Variants in RFX1 observed in about 807,000 individuals in gnomAD.
RFX1 encodes regulatory factor X1.
A neutral mutation model predicts 119.6 loss-of-function variants in RFX1; 42 were observed. The ratio of observed to expected loss-of-function variants is 0.35; its 90% CI spans 0.27 to 0.45. The LOEUF (loss-of-function observed/expected upper bound fraction) is 0.45. RFX1 is among the 20% of genes least tolerant of loss of function. The probability of loss-of-function intolerance (pLI) is 1.00; values close to 1 mark genes in which losing one functional copy is unlikely to be tolerated. For missense variants in RFX1, 1,118 were observed against 1,368.1 expected (o/e 0.82, Z 2.88); for synonymous variants, 628 against 618.5 (o/e 1.02, Z -0.23).
intron 2 of RFX1, 98 bp from the exon 3 acceptor site, chr19:13,983,693 C>A (rs1974510741): frequency 2.0e-6 from 2 of 1,024,180 alleles, no homozygotes; most frequent in Non-Finnish European, 2.9e-6. Flanking sequence ...TGAAGCCAAC[C>A]CCCAGCAAGG....
chr19:13,981,839 G>A (rs1418893850), intron 5 of RFX1, among the ~76,000 whole-genome samples: 1 of 152,240 alleles, frequency 6.6e-6, no homozygotes, highest in Non-Finnish European at 1.5e-5. Context: ...TCCCTGAGCT[G>A]GAGCTGCCAG....
At chr19:13,989,579 C>G (rs975937970) in intron 2 of RFX1, among the ~76,000 whole-genome samples, 3 of 151,624 alleles carry the variant, frequency 2.0e-5, no homozygotes, top group African/African-American at 2.4e-5. Context: ...GACAGACAGA[C>G]AGAGAGAAAG....
intron 2 of RFX1, among the ~76,000 whole-genome samples, chr19:13,991,643 C>A (rs576919331): frequency 3.9e-5 from 6 of 152,128 alleles, no homozygotes; most frequent in Non-Finnish European, 8.8e-5. Context: ...TGTTCCACAA[C>A]GGGGCCAATT....
At chr19:13,977,926 C>A in intron 8 of RFX1, 66 bp downstream of exon 8, 1 of 1,266,522 alleles carries the variant, frequency 7.9e-7, no homozygotes, top group Non-Finnish European at 1.1e-6. Context: ...GGACTGGTGT[C>A]CTGGGAGACT....
At chr19:14,003,297 T>C (rs546168016) in intron 1 of RFX1, among the ~76,000 whole-genome samples, 16 of 149,350 alleles carry the variant, frequency 1.1e-4, no homozygotes, top group Non-Finnish European at 2.1e-4. Context: ...CCGGCCAGGA[T>C]TTTTCTTTCT....
chr19:13,972,667 C>T (rs1192472911), intron 9 of RFX1, 76 bp downstream of exon 9: 3 of 1,191,204 alleles, frequency 2.5e-6, no homozygotes, highest in Admixed American at 2.3e-5. Context: ...TTGGTAACCA[C>T]CGTCATGGAC....
chr19:13,974,065 C>T (rs1797544929), intron 8 of RFX1, among the ~76,000 whole-genome samples: 1 of 152,052 alleles, frequency 6.6e-6, no homozygotes, highest in Non-Finnish European at 1.5e-5. Flanking sequence ...CTGTTTCACA[C>T]ACTTTGGACA....
In RFX1 at chr19:13,970,130, G is replaced by C. The variant is rs1423419677; in HGVS notation, c.1360C>G (p.Leu454Val). Residue 454 changes from leucine (L) to valine (V), a missense_variant, in exon 10 of 21, where the codon CTG (leucine) becomes GTG (valine). Physicochemically the swap from Leu to Val is conservative, Grantham distance 32 (BLOSUM62 1). Transcript: ENST00000254325. ...DNYETAEGVSLPRSTLYCHYL... is the reference protein window; with the variant it reads ...DNYETAEGVSVPRSTLYCHYL... ...TGGCAGTAGAGGGTGCTCCGTGGCA[G>C]ACTCACGCCCTCAGCCGTCTCATAG... 1.9e-6 allele frequency: 3 copies of C among 1,613,666 alleles called. No homozygotes were observed. Among genetic ancestry groups the C allele is most frequent in the Non-Finnish European group, 2.5e-6 (3 of 1,179,908 alleles).
chr19:14,006,348 C>G (rs1047004311), upstream of RFX1: 1 of 152,154 alleles, frequency 6.6e-6, no homozygotes, highest in Admixed American at 6.5e-5. Context: ...TTACGTCACG[C>G]GCGGGGGCGG....
chr19:13,979,579 A>G, intron 6 of RFX1, 37 bp from the exon 7 acceptor site: 1 of 1,486,446 alleles, frequency 6.7e-7, no homozygotes, highest in Non-Finnish European at 9.2e-7. Context: ...TGACCATGGC[A>G]ACGATGGCCG....
intron 9 of RFX1, among the ~76,000 whole-genome samples, chr19:13,972,061 T>G (rs573051501): frequency 6.6e-6 from 1 of 151,442 alleles, no homozygotes; most frequent in Admixed American, 6.6e-5. Flanking sequence ...CCCAGCTACT[T>G]GCAAGGGTAA....
intron 1 of RFX1, among the ~76,000 whole-genome samples, chr19:13,996,284 G>T (rs1975014330): frequency 6.6e-6 from 1 of 152,212 alleles, no homozygotes; most frequent in African/African-American, 2.4e-5. Context: ...TGTGGCTCCT[G>T]CCTGGCCCCA....
chr19:13,964,246 A>G (rs1231158929), intron 16 of RFX1, among the ~76,000 whole-genome samples: 1 of 152,154 alleles, frequency 6.6e-6, no homozygotes, highest in African/African-American at 2.4e-5. Context: ...ATTCTTTGAA[A>G]TTTATTTATA....
intron 1 of RFX1, among the ~76,000 whole-genome samples, chr19:14,002,889 C>A (rs1322817389): frequency 6.6e-6 from 1 of 152,188 alleles, no homozygotes; most frequent in Non-Finnish European, 1.5e-5. Flanking sequence ...AGACGCCATT[C>A]CAAGCTCCCC....
Position 13,963,532 on chromosome 19 carries a change from G to T in RFX1, c.2570+6C>A. 1 of 1,601,902 alleles carries T rather than the reference G, an allele frequency of 6.2e-7. No homozygotes were observed. Among genetic ancestry groups the T allele is most frequent in the Non-Finnish European group, 8.5e-7 (1 of 1,178,372 alleles). Reference sequence around the variant, plus strand: ...CCGCCCGGACCCGATCCCGCCGCGCGCGCACCTGTAGAAGGACCACTTGAG... The same window carrying T: ...CCGCCCGGACCCGATCCCGCCGCGCTCGCACCTGTAGAAGGACCACTTGAG... On this transcript the variant is annotated splice_donor_region_variant and intron_variant, in intron 18 of 20. Coordinates refer to ENST00000254325, the MANE Select transcript of RFX1 (RefSeq NM_002918.5).
In RFX1 at chr19:13,969,373, C is replaced by T. The variant is rs565502103; in HGVS notation, c.1497-479G>A. Among the ~76,000 whole-genome samples the T allele has an allele frequency of 3.9e-5, 6 of 152,182 alleles. No individual in the cohort carries two copies. The highest frequency in any genetic ancestry group is 1.9e-4 in the East Asian group (1 of 5,180). Reference sequence around the variant, plus strand: ...AGTCATGTAAAAGGCACGTGTGGGCCGGGCACGGTGGGGTCATGCCTATAA... The same window carrying T: ...AGTCATGTAAAAGGCACGTGTGGGCTGGGCACGGTGGGGTCATGCCTATAA... On this transcript the variant is annotated intron_variant, in intron 10 of 20. Transcript: ENST00000254325. This position sits in a 1 kb window ranked among gnomAD's most constrained non-coding sequence, Gnocchi z 4.5.
chr19:14,000,685 C>G (rs1387224600), intron 1 of RFX1, among the ~76,000 whole-genome samples: 3 of 152,170 alleles, frequency 2.0e-5, no homozygotes, highest in African/African-American at 7.2e-5. Flanking sequence ...GAAGTCCCAG[C>G]TGCTCGGGAG....
rs772626465 is a variant in RFX1 at position 13,978,126 on chromosome 19, C to T, written c.835-40G>A. 4 of 1,474,736 alleles carry T rather than the reference C, an allele frequency of 2.7e-6. No homozygotes were observed. In the African/African-American group the frequency reaches 4.2e-5, roughly 15 times the overall value. 91.4% of individuals were successfully genotyped at this position (1,474,736 alleles called of 1,614,324 possible). A position where few individuals can be genotyped will look rare whatever the true frequency, so the allele number is the denominator to read the frequency against. The stretch of plus-strand genomic sequence containing the variant: ...GGGCACGTGGAGGGTCAGGGGTGGG[C>T]CAGCTCCTACGGTTCTCCCTCTAAA... On this transcript the variant is annotated intron_variant, in intron 7 of 20. Coordinates refer to ENST00000254325, the MANE Select transcript of RFX1 (RefSeq NM_002918.5).
In RFX1 at chr19:13,962,981, A is replaced by G. The variant is rs904776591; in HGVS notation, c.2770+13T>C. On this transcript the variant is annotated intron_variant, in intron 20 of 20. Coordinates refer to ENST00000254325, the MANE Select transcript of RFX1 (RefSeq NM_002918.5). The stretch of plus-strand genomic sequence containing the variant: ...CGGGACCCGCGCCCTGGGTGGGAAC[A>G]CGCCTCGCCTACCTTTGTCGGGGTC... 3 of 1,549,732 alleles carry G rather than the reference A, an allele frequency of 1.9e-6. No homozygotes were observed. The highest frequency in any genetic ancestry group is 1.7e-6 in the Non-Finnish European group (2 of 1,146,356).
Sources: gnomAD v4.1 joint callset for allele counts (sites outside exome capture counted in the v4.1 genomes callset) on GRCh38, gnomAD v4.1.1 for gene constraint, Gnocchi (gnomAD v3.1) non-coding constraint, MANE v1.5 for transcripts, NCBI Gene and HGNC (gene_info 2026-07-23, HGNC 2026-07-21) for gene names.